INPP4B: variants seen among roughly 807,000 people sequenced by gnomAD.
INPP4B encodes the protein inositol polyphosphate 4-phosphatase type II.
INPP4B carries 55 observed loss-of-function variants against 122.5 expected under a neutral mutation model. The observed-to-expected ratio is 0.45, with a 90% CI of 0.36 to 0.56. INPP4B has a LOEUF of 0.56. Ranked by LOEUF, INPP4B falls within the 20% of genes least tolerant of loss-of-function variation. The pLI is 0.00. For synonymous variants in INPP4B, 403 were observed against 388.7 expected (o/e 1.04, Z -0.43); for missense variants, 1,000 against 1,097.7 (o/e 0.91, Z 1.26).
chr4:142,420,573 C>T (rs1806663647), intron 5 of INPP4B, among the ~76,000 whole-genome samples: 2 of 152,054 alleles, frequency 1.3e-5, no homozygotes, highest in Admixed American at 1.3e-4. Flanking sequence ...ATCAGAAGTA[C>T]AAAAACCTCA....
chr4:142,487,589 A>T (rs530975219), intron 2 of INPP4B, among the ~76,000 whole-genome samples: 158 of 152,274 alleles, frequency 1.0e-3, no homozygotes, highest in Non-Finnish European at 1.5e-3. Context: ...TGGATTAAAC[A>T]TGAAATAAAA....
In INPP4B at chr4:142,602,919, C is replaced by A. The variant is rs138883165; in HGVS notation, c.-191+122920G>T. ...TAAAGATATATGCATGAATATGTTC[C>A]TTGCAGTGCTATTTACAATAGCAAA... is the stretch of plus-strand genomic sequence containing the variant. On this transcript the variant is annotated intron_variant, in intron 2 of 25. Transcript: ENST00000262992. 2.7e-3 allele frequency among the ~76,000 whole-genome samples: 405 copies of A among 152,222 alleles called. 6 individuals carry two copies. Among genetic ancestry groups the A allele is most frequent in the East Asian group, 0.018 (95 of 5,188 alleles).
At chr4:142,102,833 A>T (rs1471815344) in intron 23 of INPP4B, among the ~76,000 whole-genome samples, 1 of 152,096 alleles carries the variant, frequency 6.6e-6, no homozygotes, top group African/African-American at 2.4e-5. Flanking sequence ...AGCAGGATCA[A>T]GTATAGATCC....
At chr4:142,318,173 C>T (rs1030110645) in intron 7 of INPP4B, among the ~76,000 whole-genome samples, 1 of 151,872 alleles carries the variant, frequency 6.6e-6, no homozygotes, top group Non-Finnish European at 1.5e-5. Context: ...GCACTGCAAA[C>T]AGTACGTGAC....
At chr4:142,072,661 C>T (rs961287243) in intron 25 of INPP4B, among the ~76,000 whole-genome samples, 2 of 151,100 alleles carry the variant, frequency 1.3e-5, no homozygotes, top group African/African-American at 4.9e-5. Context: ...ACAGTAATAA[C>T]AGTCATCACC....
At chr4:142,148,538 T>C (rs188991459) in intron 17 of INPP4B, among the ~76,000 whole-genome samples, 32 of 152,310 alleles carry the variant, frequency 2.1e-4, no homozygotes, top group African/African-American at 6.0e-4. Context: ...TGATCAAAGA[T>C]CAAGTCGCGT....
intron 2 of INPP4B, among the ~76,000 whole-genome samples, chr4:142,588,765 C>A (rs1423247614): frequency 6.6e-6 from 1 of 151,724 alleles, no homozygotes; most frequent in African/African-American, 2.4e-5. Flanking sequence ...GTTAATTCTT[C>A]TCAAATAGGT....
At chr4:142,797,743 A>G (rs1212531908) in intron 1 of INPP4B, among the ~76,000 whole-genome samples, 1 of 151,968 alleles carries the variant, frequency 6.6e-6, no homozygotes, top group Non-Finnish European at 1.5e-5. Flanking sequence ...ATAAAATTAG[A>G]GTAATGCATT....
intron 2 of INPP4B, among the ~76,000 whole-genome samples, chr4:142,479,891 A>T (rs186321720): frequency 6.6e-6 from 1 of 152,266 alleles, no homozygotes; most frequent in African/African-American, 2.4e-5. Flanking sequence ...TATAATCTGT[A>T]CACCAAAACC....
intron 2 of INPP4B, among the ~76,000 whole-genome samples, chr4:142,629,508 G>A (rs1264196001): frequency 2.0e-5 from 3 of 152,060 alleles, no homozygotes; most frequent in Admixed American, 2.0e-4. Context: ...GTGTATGCAT[G>A]AGTGTGTATG....
intron 8 of INPP4B, among the ~76,000 whole-genome samples, chr4:142,311,156 T>C (rs1238357187): frequency 6.6e-6 from 1 of 152,194 alleles, no homozygotes; most frequent in Non-Finnish European, 1.5e-5. Flanking sequence ...CGATCTGTTT[T>C]GCGGTGTCCA....
At chr4:142,472,712 C>T (rs932689004) in intron 2 of INPP4B, among the ~76,000 whole-genome samples, 6 of 152,088 alleles carry the variant, frequency 3.9e-5, no homozygotes, top group Non-Finnish European at 8.8e-5. Context: ...CCTGTTTCTC[C>T]AAAGCAAAGA....
chr4:142,625,444 C>G (rs1746120119), intron 2 of INPP4B, among the ~76,000 whole-genome samples: 1 of 152,100 alleles, frequency 6.6e-6, no homozygotes, highest in Non-Finnish European at 1.5e-5. Context: ...AGGACCTCTT[C>G]AAGGAGAACT....
chr4:142,811,273 G>A (rs11933763), intron 1 of INPP4B, among the ~76,000 whole-genome samples: 50,191 of 151,900 alleles, frequency 0.33, 8,499 homozygotes, highest in South Asian at 0.43. Context: ...GCAGGCAGAG[G>A]GCACTGCTGA....
chr4:142,292,682 T>C (rs560804723), intron 9 of INPP4B, among the ~76,000 whole-genome samples: 67 of 152,316 alleles, frequency 4.4e-4, no homozygotes, highest in African/African-American at 1.5e-3. Context: ...TAGATGAGGA[T>C]TAGACCATGT....
chr4:142,793,924 T>C (rs867972532), intron 1 of INPP4B, among the ~76,000 whole-genome samples: 2 of 151,528 alleles, frequency 1.3e-5, no homozygotes, highest in South Asian at 2.1e-4. Flanking sequence ...AACAAATGGA[T>C]AGATGTACCA....
intron 2 of INPP4B, among the ~76,000 whole-genome samples, chr4:142,628,859 G>A (rs1747227577): frequency 6.6e-6 from 1 of 151,980 alleles, no homozygotes; most frequent in Non-Finnish European, 1.5e-5. Flanking sequence ...AGGTGTGCTG[G>A]GGAGGAGCAC....
At chr4:142,526,991 T>A (rs1318118909) in intron 2 of INPP4B, among the ~76,000 whole-genome samples, 4 of 152,032 alleles carry the variant, frequency 2.6e-5, no homozygotes, top group South Asian at 4.1e-4. Flanking sequence ...TACAATCAAT[T>A]TACTTGTATT....
chr4:142,432,835 T>C (rs1012305577), intron 3 of INPP4B, among the ~76,000 whole-genome samples: 2 of 152,156 alleles, frequency 1.3e-5, no homozygotes, highest in African/African-American at 2.4e-5. Flanking sequence ...GGCAGTATGA[T>C]GAATCCTAGC....
Sources: allele counts gnomAD v4.1 joint callset (sites outside exome capture counted in the v4.1 genomes callset), GRCh38; gene constraint gnomAD v4.1.1; transcripts MANE v1.5; gene names NCBI Gene and HGNC (gene_info 2026-07-23, HGNC 2026-07-21).